Variants in SNX13 observed in about 807,000 individuals in gnomAD.
SNX13 encodes sorting nexin 13, also known as sorting nexin-13.
Under a neutral mutation model 133.6 loss-of-function variants are expected in SNX13, and 45 were observed. The ratio of observed to expected loss-of-function variants is 0.34; its 90% CI spans 0.27 to 0.43. SNX13 has a LOEUF of 0.43. SNX13 is among the 20% of genes least tolerant of loss of function. The pLI is 1.00. For missense variants in SNX13, 1,032 were observed against 1,145.1 expected (o/e 0.90, Z 1.43); for synonymous variants, 414 against 373.9 (o/e 1.11, Z -1.24).
In SNX13 at chr7:17,875,556, G is replaced by C. The variant is rs143090066; in HGVS notation, c.588C>G (p.Thr196=). ...CCATTTCAACTTCAACTTCAAAGAA[G>C]GTATCTACAAGATCTTCTGCTGTAC... ...VKGTAEDLVD[T]FFEVEVEMEK... is the part of the protein sequence containing the mutation. Residue 196 remains threonine (T), a synonymous_variant, in exon 7 of 26, where the codon ACC becomes ACG. Transcript: ENST00000428135. The C allele has an allele frequency of 2.8e-4, 455 of 1,610,226 alleles. 3 individuals are homozygous for C. In the East Asian group the frequency reaches 6.6e-3, roughly 23 times the overall value.
chr7:17,794,395 A>G (rs1783833282), intron 25 of SNX13, 103 bp from the exon 26 acceptor site: 1 of 1,347,808 alleles, frequency 7.4e-7, no homozygotes, highest in Non-Finnish European at 1.0e-6. Flanking sequence ...TAACTGATGA[A>G]CAGTAGGTAA....
At position 17,896,226 on chromosome 7, in the gene SNX13, T is replaced by C. The variant is rs146237681; in HGVS notation, c.125+1108A>G. On this transcript the variant is annotated intron_variant, in intron 2 of 25. Transcript: ENST00000428135. The stretch of plus-strand genomic sequence containing the variant: ...TCTGAACTCCATTATCAGACTCTTA[T>C]GGCTGAAATAAGTTTAAATGTTTCA... Among the ~76,000 whole-genome samples, 380 of 152,340 alleles carry C rather than the reference T, an allele frequency of 2.5e-3. 1 individual carries two copies. The highest frequency in any genetic ancestry group is 8.7e-3 in the African/African-American group (363 of 41,582).
Position 17,814,952 on chromosome 7 carries a change from G to GT in SNX13, c.1954-9_1954-8insA, listed in dbSNP as rs1554309413. 3 of 989,056 alleles carry GT rather than the reference G, an allele frequency of 3.0e-6. No homozygotes were observed. The highest frequency in any genetic ancestry group is 3.7e-5 in the African/African-American group (2 of 53,784). The allele number at this position is 989,056 out of a possible 1,614,324, so 61.3% of individuals were successfully genotyped here. On this transcript the variant is annotated splice_polypyrimidine_tract_variant and intron_variant, in intron 19 of 25. Coordinates refer to ENST00000428135, the MANE Select transcript of SNX13 (RefSeq NM_015132.5). ...TTCAGGAGCTAACAGTAACTAACAA[G>GT]AAAAAAAAAAAAAAGAAGAGATTAT...
chr7:17,823,456 T>A (rs1168690419), intron 17 of SNX13, among the ~76,000 whole-genome samples: 2 of 152,182 alleles, frequency 1.3e-5, no homozygotes, highest in Non-Finnish European at 2.9e-5. Context: ...ATTAATAACA[T>A]AAAAGTTAGG....
At chr7:17,934,450 G>C (rs1801799351) in intron 1 of SNX13, among the ~76,000 whole-genome samples, 1 of 152,206 alleles carries the variant, frequency 6.6e-6, no homozygotes, top group South Asian at 2.1e-4. Flanking sequence ...GTGTCTGTGA[G>C]GATGTTTCCA....
In SNX13 at chr7:17,940,385, C is replaced by A. The variant is rs565462507; in HGVS notation, c.-90G>T. ...CGAAAACTGCTCGGGCCGCCGCCAA[C>A]GGCGGCAACTGCTCCTTCAGTCTTC... On this transcript the variant is annotated 5_prime_UTR_variant, in exon 1 of 26. Coordinates refer to ENST00000428135, the MANE Select transcript of SNX13 (RefSeq NM_015132.5). 179 of 1,443,240 alleles carry A rather than the reference C, an allele frequency of 1.2e-4. No homozygotes were observed. Among genetic ancestry groups the A allele is most frequent in the Non-Finnish European group, 1.6e-4 (171 of 1,051,326 alleles). The allele number at this position is 1,443,240 out of a possible 1,614,324, so 89.4% of individuals were successfully genotyped here.
intron 12 of SNX13, among the ~76,000 whole-genome samples, chr7:17,841,372 G>T (rs1260680575): frequency 6.6e-6 from 1 of 152,000 alleles, no homozygotes; most frequent in Non-Finnish European, 1.5e-5. Flanking sequence ...CCAGGGAAAA[G>T]CACAAGTTCA....
At chr7:17,911,404 T>TA (rs1798963287) in intron 1 of SNX13, among the ~76,000 whole-genome samples, 1 of 152,100 alleles carries the variant, frequency 6.6e-6, no homozygotes, top group Non-Finnish European at 1.5e-5. Flanking sequence ...TTTGGGAGGC[T>TA]AAGGCAGGCA....
chr7:17,820,125 G>A (rs1053915410), intron 18 of SNX13, among the ~76,000 whole-genome samples: 2 of 152,082 alleles, frequency 1.3e-5, no homozygotes, highest in African/African-American at 4.8e-5. Context: ...TACAGTTCTA[G>A]TCTAGAACAT....
chr7:17,832,578 T>C (rs1788626059), intron 15 of SNX13: 1 of 691,754 alleles, frequency 1.4e-6, no homozygotes, highest in South Asian at 6.7e-5. Context: ...TTGACAGAGC[T>C]GCTATTGCAA....
intron 5 of SNX13, among the ~76,000 whole-genome samples, chr7:17,878,371 A>G (rs2094487303): frequency 6.6e-6 from 1 of 152,220 alleles, no homozygotes; most frequent in South Asian, 2.1e-4. Context: ...TGATACAATT[A>G]ACCCTAGCTT....
At position 17,937,273 on chromosome 7, in the gene SNX13, G is replaced by A. The variant is rs530628076; in HGVS notation, c.12+3011C>T. On this transcript the variant is annotated intron_variant, in intron 1 of 25. Transcript: ENST00000428135. ...TACATATTAGTTTGCTCAACTGAGT[G>A]ATATTCCATTTTAGCTTAATATAAA... Among the ~76,000 whole-genome samples the A allele has an allele frequency of 4.2e-4, 64 of 152,090 alleles. No individual in the cohort carries two copies. The East Asian group carries it at 8.3e-3, about 20-fold the overall frequency.
At chr7:17,808,297 T>C (rs1167989720) in intron 20 of SNX13, among the ~76,000 whole-genome samples, 4 of 152,064 alleles carry the variant, frequency 2.6e-5, no homozygotes, top group African/African-American at 4.8e-5. Flanking sequence ...CATGAGAACT[T>C]TGTGAAGCAT....
Position 17,897,398 on chromosome 7 carries a change from GA to G in SNX13, c.60del (p.Leu21Ter). 1.2e-6 allele frequency: 2 copies of G among 1,604,898 alleles called. No individual in the cohort carries two copies. Among genetic ancestry groups the G allele is most frequent in the African/African-American group, 1.3e-5 (1 of 74,782 alleles). ...ATTACAAAGGGTCCAAAGGTTATCAGAAAAAGGACAATGCCAAGGCTTCCCC... is the reference window on the plus strand; with the variant it reads ...ATTACAAAGGGTCCAAAGGTTATCAGAAAAGGACAATGCCAAGGCTTCCCC... ...WGWGSLGIVLFLITFGPFVIF... is the reference protein window; with the variant it reads ...WGWGSLGIVLXLITFGPFVIF... On this transcript the variant is annotated frameshift_variant, in exon 2 of 26. Transcript: ENST00000428135. LOFTEE classifies it high-confidence loss of function.
intron 1 of SNX13, among the ~76,000 whole-genome samples, chr7:17,926,357 A>G (rs140312653): frequency 1.3e-4 from 20 of 152,328 alleles, no homozygotes; most frequent in African/African-American, 4.3e-4. Flanking sequence ...CTGCTTGGAA[A>G]TTCTGGCTTA....
chr7:17,886,599 A>T (rs1041612220), intron 5 of SNX13, among the ~76,000 whole-genome samples: 1 of 152,066 alleles, frequency 6.6e-6, no homozygotes, highest in African/African-American at 2.4e-5. Context: ...CAAAAAAAAA[A>T]AGAATATATT....
intron 20 of SNX13, among the ~76,000 whole-genome samples, chr7:17,807,684 T>G (rs1785472391): frequency 6.6e-6 from 1 of 152,102 alleles, no homozygotes; most frequent in African/African-American, 2.4e-5. Flanking sequence ...ACACCTCCCA[T>G]CAGGGGTCGA....
At chr7:17,875,643 G>A in intron 6 of SNX13, 26 bp downstream of exon 6, 1 of 1,605,926 alleles carries the variant, frequency 6.2e-7, no homozygotes, top group Non-Finnish European at 8.5e-7. Flanking sequence ...TCAAATCCTA[G>A]TTTTCAAATG....
At chr7:17,856,090 T>C (rs545788704) in intron 9 of SNX13, among the ~76,000 whole-genome samples, 5 of 152,308 alleles carry the variant, frequency 3.3e-5, no homozygotes, top group Non-Finnish European at 7.4e-5. Flanking sequence ...ACAGATGTGG[T>C]AGAAATGGCA....
Sources: allele counts gnomAD v4.1 joint callset (sites outside exome capture counted in the v4.1 genomes callset), GRCh38; gene constraint gnomAD v4.1.1; transcripts MANE v1.5; gene names NCBI Gene and HGNC (gene_info 2026-07-23, HGNC 2026-07-21).